Variants in PDZD2 observed in about 807,000 individuals in gnomAD.
PDZD2 encodes the protein PDZ domain-containing protein 2.
A neutral mutation model predicts 220.7 loss-of-function variants in PDZD2; 90 were observed. The observed-to-expected ratio is 0.41, with a 90% CI of 0.34 to 0.49. The LOEUF is 0.49. PDZD2 is among the 20% of genes least tolerant of loss of function. PDZD2 has a pLI of 0.28. For synonymous variants in PDZD2, 1,375 were observed against 1,450.5 expected (o/e 0.95, Z 1.18); for missense variants, 3,174 against 3,608.5 (o/e 0.88, Z 3.08).
chr5:31,654,314 G>A (rs1162232125), intron 1 of PDZD2, among the ~76,000 whole-genome samples: 1 of 152,018 alleles, frequency 6.6e-6, no homozygotes, highest in African/African-American at 2.4e-5. Context: ...CACTCTTCAG[G>A]TGTTCCTCCT....
intron 2 of PDZD2, among the ~76,000 whole-genome samples, chr5:31,841,922 G>T (rs1441651132): frequency 2.7e-5 from 4 of 149,678 alleles, no homozygotes; most frequent in Admixed American, 2.0e-4. Flanking sequence ...AGTAAGCCGA[G>T]ATCATGCCAT....
intron 2 of PDZD2, among the ~76,000 whole-genome samples, chr5:31,849,385 A>G (rs1757784667): frequency 2.0e-5 from 3 of 152,136 alleles, no homozygotes; most frequent in Admixed American, 2.0e-4. Flanking sequence ...GGCTACTGCA[A>G]AAAAATGAGA....
chr5:31,829,520 T>C (rs919380579), intron 2 of PDZD2, among the ~76,000 whole-genome samples: 5 of 151,870 alleles, frequency 3.3e-5, no homozygotes, highest in Non-Finnish European at 7.4e-5. Flanking sequence ...TTTCACCATG[T>C]TGGCATGGCT....
intron 2 of PDZD2, among the ~76,000 whole-genome samples, chr5:31,964,284 G>T (rs1371545713): frequency 6.6e-6 from 1 of 151,950 alleles, no homozygotes; most frequent in Non-Finnish European, 1.5e-5. Context: ...CCCACCATCT[G>T]AGTCCATTAT....
intron 7 of PDZD2, among the ~76,000 whole-genome samples, chr5:32,038,942 A>G (rs1755779678): frequency 6.6e-6 from 1 of 152,226 alleles, no homozygotes; most frequent in African/African-American, 2.4e-5. Flanking sequence ...ATTTAGCACA[A>G]TGTGTAGTAC....
chr5:31,730,582 GTGTGTGTGTGGT>G (rs1189885791), intron 1 of PDZD2, among the ~76,000 whole-genome samples: 2 of 116,178 alleles, frequency 1.7e-5, no homozygotes, highest in African/African-American at 6.6e-5. Context: ...GTGTGTGTGT[GTGTGTGTGTGGT>G]GTGTGTGTGT....
Position 32,089,537 on chromosome 5 carries a change from G to A in PDZD2, c.6089G>A (p.Arg2030His), listed in dbSNP as rs202203468. Residue 2030 changes from arginine (R) to histidine (H), a missense_variant, in exon 20 of 25, where the codon CGT becomes CAT. Arg to His is a conservative substitution (Grantham distance 29). This residue lies in a region of PDZD2 where 1,861 missense variants were observed against 2,001.0 expected (regional missense o/e 0.93). Coordinates refer to ENST00000438447, the MANE Select transcript of PDZD2 (RefSeq NM_178140.4). ...TGTAGAGCAGAGGGCAGGGCGCCCC[G>A]TGCTGACTCCGGGCCGGTGAGTCCG... ...PKCRAEGRAP[R>H]ADSGPVSPAA... The A allele has an allele frequency of 4.2e-5, 67 of 1,601,104 alleles. No individual in the cohort carries two copies. Among genetic ancestry groups the A allele is most frequent in the Non-Finnish European group, 4.3e-5 (50 of 1,175,164 alleles).
At chr5:31,705,743 G>C (rs1225842126) in intron 1 of PDZD2, among the ~76,000 whole-genome samples, 1 of 152,236 alleles carries the variant, frequency 6.6e-6, no homozygotes, top group East Asian at 1.9e-4. Context: ...GAATAGGATA[G>C]GAAGAATGTA....
intron 12 of PDZD2, 42 bp downstream of exon 12, chr5:32,058,145 A>G: frequency 3.0e-6 from 3 of 1,001,256 alleles, no homozygotes; most frequent in Non-Finnish European, 4.8e-6. Context: ...TTTCTTGAAT[A>G]ACATTTTGGA....
chr5:31,892,058 GCAC>G (rs1200640920), intron 2 of PDZD2, among the ~76,000 whole-genome samples: 1 of 151,436 alleles, frequency 6.6e-6, no homozygotes, highest in Non-Finnish European at 1.5e-5. Context: ...CCACAGGTGT[GCAC>G]CACCATGCCT....
chr5:31,974,115 G>T (rs930787846), intron 2 of PDZD2, among the ~76,000 whole-genome samples: 1 of 152,080 alleles, frequency 6.6e-6, no homozygotes, highest in Non-Finnish European at 1.5e-5. Flanking sequence ...CAAGTAGCTG[G>T]GATTACAGGC....
rs577456099 is a variant in PDZD2, at chr5:31,876,778, G to A, written c.476+77054G>A. Among the ~76,000 whole-genome samples the A allele has an allele frequency of 3.3e-4, 50 of 152,246 alleles. No individual in the cohort carries two copies. The South Asian group carries it at 1.0e-2, about 30-fold the overall frequency. ...TTCCCTGAGTATAATATAACACAGG[G>A]CATTGACTCTGGAGTCAGGCTATGT... On this transcript the variant is annotated intron_variant, in intron 2 of 24. Coordinates refer to ENST00000438447, the MANE Select transcript of PDZD2 (RefSeq NM_178140.4).
At chr5:31,992,210 A>C (rs1054086050) in intron 3 of PDZD2, among the ~76,000 whole-genome samples, 5 of 152,212 alleles carry the variant, frequency 3.3e-5, no homozygotes, top group Non-Finnish European at 7.3e-5. Flanking sequence ...CAATTAAAAA[A>C]AAATTATGTT....
intron 20 of PDZD2, among the ~76,000 whole-genome samples, chr5:32,092,031 T>C (rs142543041): frequency 1.5e-3 from 233 of 152,224 alleles, no homozygotes; most frequent in Middle Eastern, 3.4e-3. Context: ...CCCAGCACTT[T>C]AGGAGGCTGA....
intron 1 of PDZD2, among the ~76,000 whole-genome samples, chr5:31,752,069 G>GTTTTTTTTTTTTTTTTTT (rs1491302993): frequency 1.0e-5 from 1 of 95,854 alleles, no homozygotes; most frequent in Non-Finnish European, 1.9e-5. Flanking sequence ...ATTGTTTTGG[G>GTTTTTTTTTTTTTTTTTT]TTTGTTTTTT....
At chr5:31,888,487 C>T (rs542694588) in intron 2 of PDZD2, among the ~76,000 whole-genome samples, 3 of 152,300 alleles carry the variant, frequency 2.0e-5, no homozygotes, top group South Asian at 2.1e-4. Context: ...CCACCGCACC[C>T]GGCCCCATTG....
intron 2 of PDZD2, among the ~76,000 whole-genome samples, chr5:31,880,262 TTG>T (rs1418465669): frequency 7.2e-5 from 11 of 152,194 alleles, no homozygotes; most frequent in Admixed American, 1.3e-4. Context: ...GATGGACATT[TTG>T]TTTTATGCTT....
intron 2 of PDZD2, among the ~76,000 whole-genome samples, chr5:31,926,355 C>T (rs1300318688): frequency 6.7e-6 from 1 of 149,888 alleles, no homozygotes; most frequent in African/African-American, 2.5e-5. Flanking sequence ...GGCAAAACCC[C>T]ATCTCTACTA....
intron 19 of PDZD2, among the ~76,000 whole-genome samples, chr5:32,078,573 A>G (rs1445895860): frequency 6.7e-6 from 1 of 148,894 alleles, no homozygotes; most frequent in Non-Finnish European, 1.5e-5. Flanking sequence ...TGGAGGTTGC[A>G]GTGAGCCAAG....
Sources: gnomAD v4.1 joint callset for allele counts (sites outside exome capture counted in the v4.1 genomes callset) on GRCh38, gnomAD v4.1.1 for gene constraint, gnomAD v4.1.1 regional missense constraint, MANE v1.5 for transcripts, NCBI Gene and HGNC (gene_info 2026-07-23, HGNC 2026-07-21) for gene names.